TENM3: variants seen among roughly 807,000 people sequenced by gnomAD.
The protein encoded by TENM3 is teneurin transmembrane protein 3.
A neutral mutation model predicts 255.1 loss-of-function variants in TENM3; 63 were observed. That is an observed-to-expected ratio of 0.25 (90% confidence interval 0.20 to 0.30). TENM3 has a LOEUF of 0.30. Among genes scored for constraint, TENM3 ranks in the 10% least tolerant of loss-of-function variants. The pLI is 1.00. For missense variants in TENM3, 2,929 were observed against 3,461.1 expected, an observed-to-expected ratio of 0.85 and a Z score of 3.86; for synonymous variants, 1,306 against 1,322.3, an observed-to-expected ratio of 0.99 and a Z score of 0.27.
At chr4:181,571,395 G>A in the TENM3 span, among the ~76,000 whole-genome samples, 2 of 152,102 alleles carry the variant, frequency 1.3e-5, no homozygotes, top group Non-Finnish European at 2.9e-5. Context: ...GGAGTGTAGT[G>A]ATGCGATCAT....
At chr4:182,486,013 G>A (rs1263775277) in intron 3 of TENM3, among the ~76,000 whole-genome samples, 1 of 152,066 alleles carries the variant, frequency 6.6e-6, no homozygotes, top group African/African-American at 2.4e-5. Context: ...GCTGAGCTAG[G>A]GACATATGTG....
chr4:182,002,126 C>G, the TENM3 span, among the ~76,000 whole-genome samples: 16 of 152,138 alleles, frequency 1.1e-4, no homozygotes, highest in South Asian at 4.1e-4. Context: ...TATATAAATG[C>G]CTTGAAAGCA....
At chr4:181,571,002 G>A in the TENM3 span, among the ~76,000 whole-genome samples, 1 of 152,190 alleles carries the variant, frequency 6.6e-6, no homozygotes, top group African/African-American at 2.4e-5. Flanking sequence ...AACGTGGCCA[G>A]CTGAGGTATC....
the TENM3 span, among the ~76,000 whole-genome samples, chr4:181,962,836 C>T: frequency 6.6e-6 from 1 of 152,148 alleles, no homozygotes; most frequent in South Asian, 2.1e-4. Flanking sequence ...TTGTTATCAA[C>T]ACGTAGACTA....
chr4:182,189,563 C>A, intron 1 of TENM3, among the ~76,000 whole-genome samples: 1 of 152,164 alleles, frequency 6.6e-6, no homozygotes, highest in Non-Finnish European at 1.5e-5. Flanking sequence ...GGGCGCGGCA[C>A]AAACTCCTGG....
At chr4:181,710,884 A>T in the TENM3 span, among the ~76,000 whole-genome samples, 2 of 150,636 alleles carry the variant, frequency 1.3e-5, no homozygotes, top group South Asian at 4.2e-4. Context: ...AAAAAAGGAA[A>T]AAAAGAAAAA....
chr4:181,920,075 A>C, the TENM3 span, among the ~76,000 whole-genome samples: 2 of 151,618 alleles, frequency 1.3e-5, no homozygotes, highest in Admixed American at 6.6e-5. Context: ...ATCCTTTTTT[A>C]TGGCTGCATA....
At chr4:182,469,372 A>G (rs980600534) in intron 3 of TENM3, among the ~76,000 whole-genome samples, 3 of 152,144 alleles carry the variant, frequency 2.0e-5, no homozygotes, top group South Asian at 4.1e-4. Context: ...GTAACTCTAG[A>G]TAGAGAAGGA....
the TENM3 span, among the ~76,000 whole-genome samples, chr4:181,773,824 A>G: frequency 2.0e-5 from 3 of 152,168 alleles, no homozygotes; most frequent in East Asian, 1.9e-4. Context: ...TGACAAATAT[A>G]ATGTCCAATT....
chr4:182,251,925 G>A (rs548495359), intron 1 of TENM3, among the ~76,000 whole-genome samples: 4 of 152,228 alleles, frequency 2.6e-5, no homozygotes, highest in East Asian at 1.9e-4. Flanking sequence ...GCTCATGCCC[G>A]TTACCCCAGC....
chr4:182,108,563 A>G, the TENM3 span, among the ~76,000 whole-genome samples: 1 of 152,238 alleles, frequency 6.6e-6, no homozygotes, highest in Non-Finnish European at 1.5e-5. Flanking sequence ...GCTCAGTCCT[A>G]GGAATATGGA....
At chr4:181,486,985 G>C in the TENM3 span, among the ~76,000 whole-genome samples, 1 of 152,116 alleles carries the variant, frequency 6.6e-6, no homozygotes, top group South Asian at 2.1e-4. Context: ...CATTATGGAT[G>C]GAATGTAGCC....
intron 1 of TENM3, among the ~76,000 whole-genome samples, chr4:182,196,365 G>T (rs1010317221): frequency 1.3e-5 from 2 of 152,152 alleles, no homozygotes; most frequent in African/African-American, 2.4e-5. Flanking sequence ...TGGAAGTGTA[G>T]CATCCAGAAA....
At chr4:181,785,226 T>C in the TENM3 span, among the ~76,000 whole-genome samples, 1 of 152,144 alleles carries the variant, frequency 6.6e-6, no homozygotes, top group Non-Finnish European at 1.5e-5. Context: ...CATAGATAGA[T>C]GATAACATAC....
At chr4:181,904,286 C>T in the TENM3 span, among the ~76,000 whole-genome samples, 3 of 152,046 alleles carry the variant, frequency 2.0e-5, no homozygotes, top group Non-Finnish European at 4.4e-5. Context: ...TCTTCTCTTT[C>T]TTCCCCAGAG....
At chr4:181,505,226 T>C in the TENM3 span, among the ~76,000 whole-genome samples, 47 of 152,212 alleles carry the variant, frequency 3.1e-4, 1 homozygote, top group Non-Finnish European at 1.3e-4. Flanking sequence ...TCATTGGAAA[T>C]GGCACTGTTT....
At chr4:181,653,658 CAA>C in the TENM3 span, among the ~76,000 whole-genome samples, 1 of 150,868 alleles carries the variant, frequency 6.6e-6, no homozygotes, top group Admixed American at 6.6e-5. Context: ...CTTGGCCTCC[CAA>C]AGTGTTAGGA....
the TENM3 span, among the ~76,000 whole-genome samples, chr4:182,086,393 A>C: frequency 6.6e-6 from 1 of 152,220 alleles, no homozygotes; most frequent in Non-Finnish European, 1.5e-5. Context: ...CATAATAAAA[A>C]GAAAAAGAAA....
chr4:182,499,750 A>T (rs1725246994), intron 3 of TENM3, among the ~76,000 whole-genome samples: 1 of 152,206 alleles, frequency 6.6e-6, no homozygotes, highest in Non-Finnish European at 1.5e-5. Flanking sequence ...ATGAAGTTTA[A>T]TAGCATTTTC....
Sources: allele counts gnomAD v4.1 joint callset (sites outside exome capture counted in the v4.1 genomes callset), GRCh38; gene constraint gnomAD v4.1.1; transcripts MANE v1.5; gene names NCBI Gene and HGNC (gene_info 2026-07-23, HGNC 2026-07-21).